Variants in SPOCK3 observed in about 807,000 individuals in gnomAD.
SPOCK3 encodes the protein SPARC (osteonectin), cwcv and kazal like domains proteoglycan 3, also known as testican-3.
SPOCK3 carries 30 observed loss-of-function variants against 56.6 expected under a neutral mutation model. The observed-to-expected ratio is 0.53, with a 90% confidence interval of 0.40 to 0.72. SPOCK3 has a LOEUF of 0.72. Among genes scored for constraint, SPOCK3 ranks in the 30% least tolerant of loss-of-function variants. SPOCK3 has a pLI of 0.00. For missense variants in SPOCK3, 527 were observed against 530.0 expected (o/e 0.99, Z 0.06); for synonymous variants, 196 against 183.3 (o/e 1.07, Z -0.56).
intron 4 of SPOCK3, among the ~76,000 whole-genome samples, chr4:166,936,416 T>G (rs1175716804): frequency 1.3e-5 from 2 of 152,156 alleles, no homozygotes. Flanking sequence ...AAAACACTTA[T>G]GTCTAGAGAT....
chr4:167,196,689 A>G (rs921831087), intron 2 of SPOCK3, among the ~76,000 whole-genome samples: 23 of 151,942 alleles, frequency 1.5e-4, no homozygotes, highest in African/African-American at 5.3e-4. Context: ...CTGAGCTTTG[A>G]TGTTTGTTGA....
intron 4 of SPOCK3, among the ~76,000 whole-genome samples, chr4:166,928,882 C>T (rs970820614): frequency 1.3e-5 from 2 of 152,080 alleles, no homozygotes; most frequent in African/African-American, 2.4e-5. Flanking sequence ...GCAGGAGAAT[C>T]GCTTGAACTC....
intron 4 of SPOCK3, among the ~76,000 whole-genome samples, chr4:166,985,209 C>T (rs1747015257): frequency 6.7e-6 from 1 of 149,446 alleles, no homozygotes; most frequent in Admixed American, 6.6e-5. Flanking sequence ...AAACCAGAAC[C>T]TAAGAAATCC....
intron 3 of SPOCK3, among the ~76,000 whole-genome samples, chr4:167,055,877 A>G (rs1472872509): frequency 6.6e-6 from 1 of 152,220 alleles, no homozygotes; most frequent in Non-Finnish European, 1.5e-5. Context: ...GGGGCAGGGC[A>G]CAGACAAACA....
intron 2 of SPOCK3, among the ~76,000 whole-genome samples, chr4:167,119,017 A>G: frequency 6.6e-6 from 1 of 151,776 alleles, no homozygotes; most frequent in African/African-American, 2.4e-5. Context: ...CTACATGCCT[A>G]GAAATCTGGG....
chr4:167,045,612 G>C lies in SPOCK3; in HGVS notation c.235+16880C>G, dbSNP rs191536490. 6.6e-5 allele frequency among the ~76,000 whole-genome samples: 10 copies of C among 151,926 alleles called. 1 individual carries two copies. Among genetic ancestry groups the C allele is most frequent in the Middle Eastern group, 3.4e-3 (1 of 292 alleles). ...TACCGTTTTAAGTAGTTTCCCTAGA[G>C]TTTGTGTCATGTATTTATAAGTAAT... is the stretch of plus-strand genomic sequence containing the variant. On this transcript the variant is annotated intron_variant, in intron 3 of 10. Transcript: ENST00000357545.
At chr4:167,228,068 CAT>C (rs1736776200) in intron 2 of SPOCK3, among the ~76,000 whole-genome samples, 1 of 152,018 alleles carries the variant, frequency 6.6e-6, no homozygotes, top group Admixed American at 6.6e-5. Context: ...AGAAACCTAA[CAT>C]GTCTTAACAT....
At chr4:166,905,332 C>T (rs990667454) in intron 5 of SPOCK3, among the ~76,000 whole-genome samples, 1 of 151,854 alleles carries the variant, frequency 6.6e-6, no homozygotes, top group Non-Finnish European at 1.5e-5. Flanking sequence ...ACTAGATGGA[C>T]TGTTTATAAA....
At chr4:167,037,506 A>AC (rs946876154) in intron 3 of SPOCK3, among the ~76,000 whole-genome samples, 5 of 151,610 alleles carry the variant, frequency 3.3e-5, no homozygotes, top group African/African-American at 7.3e-5. Flanking sequence ...AAAAAAAAAA[A>AC]AAAACTATTT....
chr4:166,876,952 TG>T (rs1733154583), intron 6 of SPOCK3, among the ~76,000 whole-genome samples: 2 of 152,006 alleles, frequency 1.3e-5, no homozygotes, highest in South Asian at 2.1e-4. Context: ...ATGGGAAGTT[TG>T]GGGTAGAGAA....
At chr4:167,129,611 C>G (rs1033854602) in intron 2 of SPOCK3, among the ~76,000 whole-genome samples, 3 of 151,790 alleles carry the variant, frequency 2.0e-5, no homozygotes, top group Non-Finnish European at 4.4e-5. Flanking sequence ...CCTTGTCACT[C>G]CAAATACAAT....
At chr4:167,109,486 A>ATATATTTATATATTTTATATAAAATAT (rs1554037748) in intron 2 of SPOCK3, among the ~76,000 whole-genome samples, 10 of 103,074 alleles carry the variant, frequency 9.7e-5, no homozygotes, top group African/African-American at 3.5e-4. Context: ...TTTATATAAA[A>ATATATTTATATATTTTATATAAAATAT]TATATTTATA....
chr4:167,152,472 A>G (rs1283623343), intron 2 of SPOCK3, among the ~76,000 whole-genome samples: 1 of 152,216 alleles, frequency 6.6e-6, no homozygotes, highest in Non-Finnish European at 1.5e-5. Context: ...TAACTAATCC[A>G]GACAGTCGAG....
At chr4:166,774,294 A>G (rs1339505580) in intron 7 of SPOCK3, among the ~76,000 whole-genome samples, 1 of 152,144 alleles carries the variant, frequency 6.6e-6, no homozygotes. Flanking sequence ...TACCAAATTG[A>G]TAACTGTCTT....
intron 4 of SPOCK3, among the ~76,000 whole-genome samples, chr4:166,952,292 G>C (rs886127617): frequency 1.5e-4 from 23 of 152,090 alleles, no homozygotes; most frequent in African/African-American, 4.8e-4. Flanking sequence ...ACCAATAACA[G>C]ACAAACAGAG....
At chr4:167,206,436 A>C (rs953576959) in intron 2 of SPOCK3, among the ~76,000 whole-genome samples, 1 of 152,146 alleles carries the variant, frequency 6.6e-6, no homozygotes, top group African/African-American at 2.4e-5. Flanking sequence ...TCTGCAAACA[A>C]AATTTAATGA....
At chr4:167,222,612 A>G (rs1736063291) in intron 2 of SPOCK3, among the ~76,000 whole-genome samples, 1 of 142,292 alleles carries the variant, frequency 7.0e-6, no homozygotes, top group Non-Finnish European at 1.5e-5. Context: ...CATATGTTAT[A>G]TATTTATATA....
At chr4:166,783,580 C>G (rs17696409) in intron 7 of SPOCK3, among the ~76,000 whole-genome samples, 25,636 of 151,944 alleles carry the variant, frequency 0.17, 2,342 homozygotes, top group East Asian at 0.29. Flanking sequence ...TTCTTCCTTG[C>G]TGTGATATGT....
At chr4:166,986,176 T>C (rs567554779) in intron 4 of SPOCK3, among the ~76,000 whole-genome samples, 8 of 152,326 alleles carry the variant, frequency 5.3e-5, no homozygotes, top group Admixed American at 4.6e-4. Flanking sequence ...GAATTTCTTC[T>C]TTTTATGTAT....
Sources: gnomAD v4.1 joint callset for allele counts (sites outside exome capture counted in the v4.1 genomes callset) on GRCh38, gnomAD v4.1.1 for gene constraint, MANE v1.5 for transcripts, NCBI Gene and HGNC (gene_info 2026-07-23, HGNC 2026-07-21) for gene names.